Variants in TTC28 observed in about 807,000 individuals in gnomAD.
TTC28 encodes tetratricopeptide repeat domain 28.
Under a neutral mutation model 198.0 loss-of-function variants are expected in TTC28, and 61 were observed. The observed-to-expected ratio is 0.31, with a 90% confidence interval of 0.25 to 0.38. The LOEUF is 0.38. Among genes scored for constraint, TTC28 ranks in the 10% least tolerant of loss-of-function variants. TTC28 has a pLI of 1.00. For synonymous variants in TTC28, 1,171 were observed against 1,297.8 expected (o/e 0.90, Z 2.10); for missense variants, 2,678 against 3,164.0 (o/e 0.85, Z 3.69).
chr22:28,416,177 A>T (rs1457147965), intron 2 of TTC28, among the ~76,000 whole-genome samples: 6 of 152,212 alleles, frequency 3.9e-5, no homozygotes, highest in Admixed American at 1.3e-4. Flanking sequence ...TGGTTACAAG[A>T]AGTACATTCA....
intron 2 of TTC28, among the ~76,000 whole-genome samples, chr22:28,625,403 T>C (rs1180785324): frequency 6.6e-6 from 1 of 152,184 alleles, no homozygotes; most frequent in Non-Finnish European, 1.5e-5. Context: ...TGTATTTCTA[T>C]AGATTCTCAA....
At chr22:28,278,202 T>C (rs925215769) in intron 5 of TTC28, among the ~76,000 whole-genome samples, 1 of 152,120 alleles carries the variant, frequency 6.6e-6, no homozygotes, top group African/African-American at 2.4e-5. Context: ...CTGAATTATA[T>C]CAAACTACAT....
intron 12 of TTC28, among the ~76,000 whole-genome samples, chr22:28,075,075 G>C (rs1478224106): frequency 6.6e-6 from 1 of 151,818 alleles, no homozygotes; most frequent in Non-Finnish European, 1.5e-5. Flanking sequence ...ATAACAGAGA[G>C]AGATTCTGTC....
intron 1 of TTC28, among the ~76,000 whole-genome samples, chr22:28,679,307 G>T (rs1404089017): frequency 6.6e-6 from 1 of 152,188 alleles, no homozygotes; most frequent in Non-Finnish European, 1.5e-5. Context: ...CCCCACGGGG[G>T]CTGGGGGAAA....
At chr22:28,396,222 AT>A (rs1169781322) in intron 2 of TTC28, among the ~76,000 whole-genome samples, 1 of 152,230 alleles carries the variant, frequency 6.6e-6, no homozygotes, top group Non-Finnish European at 1.5e-5. Context: ...TGGTGATTAC[AT>A]TTTCCAGGAA....
intron 5 of TTC28, among the ~76,000 whole-genome samples, chr22:28,201,751 C>CAAAAAAAAAAAAAAAAAAA (rs34790960): frequency 3.7e-4 from 30 of 81,002 alleles, no homozygotes; most frequent in African/African-American, 1.4e-3. Context: ...TTACAGAAAG[C>CAAAAAAAAAAAAAAAAAAA]AAAAAAAAAA....
intron 2 of TTC28, among the ~76,000 whole-genome samples, chr22:28,531,598 G>A (rs1356229327): frequency 1.3e-5 from 2 of 152,180 alleles, no homozygotes; most frequent in East Asian, 1.9e-4. Context: ...CAAATCAACA[G>A]AATATACATT....
intron 5 of TTC28, among the ~76,000 whole-genome samples, chr22:28,291,620 T>C (rs1018083777): frequency 1.3e-5 from 2 of 152,238 alleles, no homozygotes; most frequent in Non-Finnish European, 2.9e-5. Context: ...CTGAAACAGA[T>C]GCAGCTTTCC....
At position 28,630,247 on chromosome 22, in the gene TTC28, CT is replaced by C. The variant is rs1465404602; in HGVS notation, c.103-418del. On this transcript the variant is annotated intron_variant, in intron 1 of 22. Coordinates refer to ENST00000397906, the MANE Select transcript of TTC28 (RefSeq NM_001145418.2). ...CATCAAAATCATAAGCCAAATAACC[CT>C]TTTTTATTTATAGATTACTCAGCCT... is the stretch of plus-strand genomic sequence containing the variant. Among the ~76,000 whole-genome samples, 7 of 152,170 alleles carry C rather than the reference CT, an allele frequency of 4.6e-5. No homozygotes were observed. In the East Asian group the frequency reaches 1.4e-3, roughly 29 times the overall value.
intron 2 of TTC28, among the ~76,000 whole-genome samples, chr22:28,345,590 T>C (rs1449835284): frequency 6.6e-6 from 1 of 152,194 alleles, no homozygotes; most frequent in South Asian, 2.1e-4. Flanking sequence ...TCAGTTTTAG[T>C]TGTTTTTATT....
At chr22:28,271,849 C>T (rs1932099394) in intron 5 of TTC28, among the ~76,000 whole-genome samples, 1 of 152,146 alleles carries the variant, frequency 6.6e-6, no homozygotes, top group Non-Finnish European at 1.5e-5. Flanking sequence ...GTGATCCGCC[C>T]ACCTCGGCCT....
intron 5 of TTC28, among the ~76,000 whole-genome samples, chr22:28,183,319 A>C (rs1303170705): frequency 2.0e-5 from 3 of 152,084 alleles, no homozygotes; most frequent in African/African-American, 7.2e-5. Flanking sequence ...TAGCCTCCTG[A>C]GTAGCCAAGA....
chr22:28,655,717 G>C (rs545547891), intron 1 of TTC28, among the ~76,000 whole-genome samples: 1 of 152,148 alleles, frequency 6.6e-6, no homozygotes, highest in African/African-American at 2.4e-5. Flanking sequence ...CAGGCGCCGT[G>C]GCGGGCGCCT....
intron 2 of TTC28, among the ~76,000 whole-genome samples, chr22:28,556,065 G>A (rs1158415696): frequency 6.6e-6 from 1 of 151,340 alleles, no homozygotes; most frequent in Non-Finnish European, 1.5e-5. Context: ...AAAAAAAAAT[G>A]CCCTATTTTT....
chr22:28,292,865 C>T (rs186277046), intron 5 of TTC28, among the ~76,000 whole-genome samples: 2 of 152,342 alleles, frequency 1.3e-5, no homozygotes, highest in East Asian at 3.9e-4. Context: ...CACCACACTA[C>T]CCAGACCTTG....
At chr22:28,496,889 C>T (rs759427306) in intron 2 of TTC28, among the ~76,000 whole-genome samples, 10 of 152,314 alleles carry the variant, frequency 6.6e-5, no homozygotes, top group Non-Finnish European at 5.9e-5. Context: ...TCCAGACACA[C>T]TGCCTCTGTC....
intron 6 of TTC28, among the ~76,000 whole-genome samples, chr22:28,133,952 G>A (rs1484189243): frequency 6.6e-6 from 1 of 152,204 alleles, no homozygotes; most frequent in Non-Finnish European, 1.5e-5. Flanking sequence ...TAACTGGGAG[G>A]CACCCCCTAG....
intron 12 of TTC28, among the ~76,000 whole-genome samples, chr22:28,054,532 G>A (rs538869827): frequency 2.0e-5 from 3 of 152,248 alleles, no homozygotes; most frequent in Admixed American, 1.3e-4. Context: ...AGAGAGGGGT[G>A]TTGCCAAGGA....
chr22:27,992,268 G>A (rs1315185967), intron 19 of TTC28, among the ~76,000 whole-genome samples: 1 of 152,192 alleles, frequency 6.6e-6, no homozygotes, highest in Non-Finnish European at 1.5e-5. Context: ...CCTGGGGTTG[G>A]CCGCACAGCT....
Sources: allele counts gnomAD v4.1 joint callset (sites outside exome capture counted in the v4.1 genomes callset), GRCh38; gene constraint gnomAD v4.1.1; transcripts MANE v1.5; gene names NCBI Gene and HGNC (gene_info 2026-07-23, HGNC 2026-07-21).